HOXA3: variants seen among roughly 807,000 people sequenced by gnomAD.
The protein encoded by HOXA3 is homeobox protein Hox-A3.
HOXA3 carries 8 observed loss-of-function variants against 30.3 expected under a neutral mutation model. The ratio of observed to expected loss-of-function variants is 0.26; its 90% CI spans 0.15 to 0.48. HOXA3 has a LOEUF of 0.48. Ranked by LOEUF, HOXA3 falls within the 20% of genes least tolerant of loss-of-function variation. The pLI is 0.99. For synonymous variants in HOXA3, 323 were observed against 273.1 expected (o/e 1.18, Z -1.80); for missense variants, 653 against 614.4 (o/e 1.06, Z -0.66).
intron 2 of HOXA3, chr7:27,130,008 G>T: frequency 7.8e-7 from 1 of 1,282,488 alleles, no homozygotes; most frequent in Non-Finnish European, 1.1e-6. Context: ...TCAGATGGGG[G>T]CTCCCCTCCC....
intron 1 of HOXA3, chr7:27,150,327 G>C (rs1179868057): frequency 2.6e-5 from 4 of 152,316 alleles, no homozygotes; most frequent in Admixed American, 6.5e-5. Flanking sequence ...TCTCTCCAAG[G>C]GGGGCAGGAC....
At position 27,110,519 on chromosome 7, in the gene HOXA3, G is replaced by A. The variant is rs757393983; in HGVS notation, c.122C>T (p.Ala41Val). Residue 41 changes from alanine (A) to valine (V), a missense_variant, in exon 5 of 6, where the codon GCC becomes GTC. Ala to Val is a moderately conservative substitution (Grantham distance 64). Coordinates refer to ENST00000612286, the MANE Select transcript of HOXA3 (RefSeq NM_153631.3). The stretch of plus-strand genomic sequence containing the variant: ...GGCGGGTCGGTGGTACTCGCCGTCG[G>A]CGCCCAAAGCGGCGGACGCCGGGTA... ...QPYPASAALG[A>V]DGEYHRPACS... is the part of the protein sequence containing the mutation. 1 of 1,606,226 alleles carries A rather than the reference G, an allele frequency of 6.2e-7. No individual in the cohort carries two copies.
At chr7:27,151,911 C>T (rs1342584108) in intron 1 of HOXA3, among the ~76,000 whole-genome samples, 1 of 152,134 alleles carries the variant, frequency 6.6e-6, no homozygotes, top group Non-Finnish European at 1.5e-5. Flanking sequence ...TGGCGGGGAA[C>T]ACAGTGTGCC....
intron 1 of HOXA3, among the ~76,000 whole-genome samples, chr7:27,149,278 A>T (rs1026658846): frequency 6.6e-6 from 1 of 152,152 alleles, no homozygotes; most frequent in Non-Finnish European, 1.5e-5. Context: ...TAAAATCCTC[A>T]ATTCTGTGGA....
rs1043464795 is a variant in HOXA3, at chr7:27,108,765, G to T, written c.527-45C>A. On this transcript the variant is annotated intron_variant, in intron 5 of 5. Coordinates refer to ENST00000612286, the MANE Select transcript of HOXA3 (RefSeq NM_153631.3). The surrounding 1 kb of genome is among the most constrained non-coding windows in gnomAD (Gnocchi z 5.0). ...AAGAGCGGCGTCAGGGGCTGCCGCG[G>T]CCCCGCCCAGCCCCTGACCCAGCCC... The T allele has an allele frequency of 7.0e-7, 1 of 1,425,570 alleles. No homozygotes were observed. The highest frequency in any genetic ancestry group is 9.4e-7 in the Non-Finnish European group (1 of 1,059,812). 88.3% of individuals were successfully genotyped at this position (1,425,570 alleles called of 1,614,324 possible). A position where few individuals can be genotyped will look rare whatever the true frequency, so the allele number is the denominator to read the frequency against.
chr7:27,152,194 C>A (rs1686525470), intron 1 of HOXA3, 94 bp downstream of exon 1: 3 of 661,676 alleles, frequency 4.5e-6, no homozygotes. Flanking sequence ...GAGTATGCCC[C>A]TCTTAAAGCC....
chr7:27,109,771 A>C (rs1420551507), intron 5 of HOXA3, among the ~76,000 whole-genome samples: 1 of 152,214 alleles, frequency 6.6e-6, no homozygotes, highest in African/African-American at 2.4e-5. Flanking sequence ...GTTTCATTAG[A>C]AGAGCTGTGC....
Position 27,130,379 on chromosome 7 carries a change from G to A in HOXA3, c.-389-3309C>T. On this transcript the variant is annotated intron_variant, in intron 2 of 5. Transcript: ENST00000612286. ...GCTGGGCCCTTGGCTTGCGCCGGGG[G>A]CTGCTCGGGCTGGGGCGGCCGCCCG... 8.7e-7 allele frequency: 1 copy of A among 1,148,530 alleles called. No individual in the cohort carries two copies. Among genetic ancestry groups the A allele is most frequent in the Non-Finnish European group, 1.1e-6 (1 of 935,394 alleles). The allele number at this position is 1,148,530 out of a possible 1,614,324, so 71.1% of individuals were successfully genotyped here. A position where few individuals can be genotyped will look rare whatever the true frequency, so the allele number is the denominator to read the frequency against.
chr7:27,145,806 C>T (rs2128061955), intron 1 of HOXA3: 2 of 1,614,232 alleles, frequency 1.2e-6, no homozygotes, highest in Non-Finnish European at 8.5e-7. Flanking sequence ...GATCTCGATG[C>T]GGCGGCGCCG....
chr7:27,147,784 G>C (rs779207894), intron 1 of HOXA3: 3 of 1,555,580 alleles, frequency 1.9e-6, no homozygotes. Flanking sequence ...GATTTGTTGT[G>C]TATTAGTACA....
At chr7:27,138,101 A>G (rs1192376021) in intron 2 of HOXA3, among the ~76,000 whole-genome samples, 2 of 152,248 alleles carry the variant, frequency 1.3e-5, no homozygotes, top group Admixed American at 1.3e-4. Flanking sequence ...TCACAGACAC[A>G]TAACATTATA....
intron 2 of HOXA3, among the ~76,000 whole-genome samples, chr7:27,127,505 G>A (rs1490412726): frequency 6.6e-6 from 1 of 152,216 alleles, no homozygotes; most frequent in African/African-American, 2.4e-5. Flanking sequence ...ATATTGCAGA[G>A]GCAGGTGAGC....
At chr7:27,139,415 G>C (rs1416136431) in intron 2 of HOXA3, among the ~76,000 whole-genome samples, 1 of 152,140 alleles carries the variant, frequency 6.6e-6, no homozygotes, top group African/African-American at 2.4e-5. Flanking sequence ...GCAACCCGGG[G>C]GCCCAGCCTG....
chr7:27,121,419 T>A (rs1785010233), intron 4 of HOXA3, among the ~76,000 whole-genome samples: 1 of 152,236 alleles, frequency 6.6e-6, no homozygotes, highest in Non-Finnish European at 1.5e-5. Flanking sequence ...TTCTGTTGTT[T>A]GCTGAGATGG....
intron 1 of HOXA3, chr7:27,141,555 T>A: frequency 3.4e-6 from 1 of 293,848 alleles, no homozygotes; most frequent in Non-Finnish European, 6.3e-6. Context: ...TTTTTTGTTA[T>A]AGTTACTTCA....
In HOXA3 at chr7:27,152,367, T is replaced by C. The variant is rs1047973834; in HGVS notation, c.-573A>G. 1.7e-6 allele frequency: 2 copies of C among 1,205,192 alleles called. No homozygotes were observed. The highest frequency in any genetic ancestry group is 6.7e-5 in the East Asian group (1 of 14,986). The allele number at this position is 1,205,192 out of a possible 1,614,324, so 74.7% of individuals were successfully genotyped here. On this transcript the variant is annotated 5_prime_UTR_variant, in exon 1 of 6. Coordinates refer to ENST00000612286, the MANE Select transcript of HOXA3 (RefSeq NM_153631.3). The stretch of plus-strand genomic sequence containing the variant: ...AGCCCGAGAGAAGAATTGTCCTCTT[T>C]CCTGGTGCCAGAGGACGCAGGAAAT...
chr7:27,141,792 C>G, intron 1 of HOXA3: 1 of 1,599,494 alleles, frequency 6.3e-7, no homozygotes, highest in Non-Finnish European at 8.5e-7. Flanking sequence ...TGACACTACG[C>G]GGGATCCGCT....
intron 4 of HOXA3, among the ~76,000 whole-genome samples, chr7:27,117,704 T>G (rs1467350386): frequency 6.6e-6 from 1 of 152,060 alleles, no homozygotes; most frequent in East Asian, 1.9e-4. Context: ...TAATCCTCCA[T>G]CCCCTGCCTG....
At position 27,110,476 on chromosome 7, in the gene HOXA3, G is replaced by A; in HGVS notation, c.165C>T (p.Pro55=). 2 of 1,601,290 alleles carry A rather than the reference G, an allele frequency of 1.2e-6. No individual in the cohort carries two copies. Among genetic ancestry groups the A allele is most frequent in the East Asian group, 2.3e-5 (1 of 44,386 alleles). ...YHRPACSLQS[P]SSAGGHPKAH... is the part of the protein sequence containing the mutation. ...CCTTGGGGTGGCCCCCGGCGCTGGA[G>A]GGAGACTGGAGGGAGCAGGCGGGTC... Residue 55 remains proline, a synonymous_variant, in exon 5 of 6, where the codon CCC becomes CCT. Coordinates refer to ENST00000612286, the MANE Select transcript of HOXA3 (RefSeq NM_153631.3).
Sources: gnomAD v4.1 joint callset for allele counts (sites outside exome capture counted in the v4.1 genomes callset) on GRCh38, gnomAD v4.1.1 for gene constraint, Gnocchi (gnomAD v3.1) non-coding constraint, MANE v1.5 for transcripts, NCBI Gene and HGNC (gene_info 2026-07-23, HGNC 2026-07-21) for gene names.